Variants in MTAP observed in about 807,000 individuals in gnomAD.
MTAP encodes methylthioadenosine phosphorylase.
A neutral mutation model predicts 33.6 loss-of-function variants in MTAP; 33 were observed. The ratio of observed to expected loss-of-function variants is 0.98; its 90% confidence interval spans 0.74 to 1.31. MTAP has a LOEUF of 1.31. MTAP is among the 40% of genes most tolerant of loss of function. The pLI is 0.00. For missense variants in MTAP, 367 were observed against 360.0 expected, an observed-to-expected ratio of 1.02 and a Z score of -0.16; for synonymous variants, 148 against 125.7, an observed-to-expected ratio of 1.18 and a Z score of -1.19.
chr9:21,933,446 T>G (rs1055571694), downstream of MTAP: 1 of 152,162 alleles, frequency 6.6e-6, no homozygotes, highest in African/African-American at 2.4e-5. Context: ...TTAAGGTGCT[T>G]TTTCTGGCTC....
At chr9:21,842,419 T>G (rs143961277) in intron 5 of MTAP, among the ~76,000 whole-genome samples, 1 of 152,222 alleles carries the variant, frequency 6.6e-6, no homozygotes, top group African/African-American at 2.4e-5. Flanking sequence ...CCTGGGAAAT[T>G]TATTGCAAAA....
chr9:21,810,564 A>C (rs1289405614), intron 1 of MTAP, among the ~76,000 whole-genome samples: 1 of 152,150 alleles, frequency 6.6e-6, no homozygotes, highest in Non-Finnish European at 1.5e-5. Flanking sequence ...TCATGACTCA[A>C]ACTCCTCTTA....
At chr9:21,930,142 A>C in intron 1 of MTAP, 1 of 424,342 alleles carries the variant, frequency 2.4e-6, no homozygotes, top group Non-Finnish European at 4.6e-6. Flanking sequence ...AATGGGTTCT[A>C]ATGGAGTAAA....
downstream of MTAP, among the ~76,000 whole-genome samples, chr9:21,867,747 T>C (rs976101383): frequency 3.4e-4 from 51 of 151,920 alleles, no homozygotes; most frequent in African/African-American, 1.2e-3. Flanking sequence ...ATATACAGAA[T>C]TTGTTAACCA....
chr9:21,843,698 A>G (rs1355246804), intron 5 of MTAP, among the ~76,000 whole-genome samples: 3 of 152,216 alleles, frequency 2.0e-5, no homozygotes, highest in Non-Finnish European at 4.4e-5. Context: ...CTTTGAGCTG[A>G]ATGATTATAG....
At chr9:21,820,233 A>G (rs941507887) in intron 4 of MTAP, among the ~76,000 whole-genome samples, 4 of 152,162 alleles carry the variant, frequency 2.6e-5, no homozygotes, top group Non-Finnish European at 2.9e-5. Context: ...TATGTCCTGA[A>G]TGGTATTGCC....
In MTAP at chr9:21,824,149, C is replaced by G. The variant is rs1824723181; in HGVS notation, c.347+5947C>G. ...GCTTTGTTCCATTGCTGGCGAGGAG[C>G]TGTGTTCCTTTGGAGGGGGAGAGGT... is the stretch of plus-strand genomic sequence containing the variant. On this transcript the variant is annotated intron_variant, in intron 4 of 7. Transcript: ENST00000644715. Among the ~76,000 whole-genome samples the G allele has an allele frequency of 2.0e-5, 3 of 152,240 alleles. No homozygotes were observed. The South Asian group carries it at 6.2e-4, about 31-fold the overall frequency.
chr9:21,915,265 G>A (rs941930825), intron 1 of MTAP, among the ~76,000 whole-genome samples: 1 of 150,810 alleles, frequency 6.6e-6, no homozygotes, highest in Non-Finnish European at 1.5e-5. Context: ...ATTTTTTTTT[G>A]TATTTTTAGT....
At chr9:21,832,377 TA>T (rs1374864737) in intron 4 of MTAP, among the ~76,000 whole-genome samples, 1 of 152,236 alleles carries the variant, frequency 6.6e-6, no homozygotes, top group Non-Finnish European at 1.5e-5. Flanking sequence ...GAAAGCGTTT[TA>T]TGGTAAAGAG....
At chr9:21,835,329 A>G (rs192004508) in intron 4 of MTAP, among the ~76,000 whole-genome samples, 79 of 152,294 alleles carry the variant, frequency 5.2e-4, no homozygotes, top group Non-Finnish European at 7.8e-4. Flanking sequence ...CTAATACCTC[A>G]CGAAGAAAGA....
intron 1 of MTAP, among the ~76,000 whole-genome samples, chr9:21,875,636 G>T (rs192425420): frequency 6.6e-6 from 1 of 151,950 alleles, no homozygotes; most frequent in Non-Finnish European, 1.5e-5. Context: ...AAGTGAAAAC[G>T]TGTGGTATTT....
chr9:21,931,492 T>G (rs1023539057), downstream of MTAP: 1 of 254,708 alleles, frequency 3.9e-6, no homozygotes, highest in African/African-American at 2.2e-5. Flanking sequence ...GATAGAAAAG[T>G]CCTGAAGCTG....
intron 4 of MTAP, among the ~76,000 whole-genome samples, chr9:21,823,028 A>G (rs1158901229): frequency 6.6e-6 from 1 of 152,186 alleles, no homozygotes; most frequent in Non-Finnish European, 1.5e-5. Context: ...GTGTCTCTGC[A>G]CGTGAGTTGG....
intron 1 of MTAP, among the ~76,000 whole-genome samples, chr9:21,902,386 C>G (rs796421306): frequency 5.3e-5 from 8 of 152,292 alleles, no homozygotes; most frequent in African/African-American, 1.9e-4. Context: ...GAAAAGTAAG[C>G]ATCTGGTATT....
chr9:21,879,028 T>G (rs1826051527), intron 1 of MTAP, among the ~76,000 whole-genome samples: 1 of 152,196 alleles, frequency 6.6e-6, no homozygotes, highest in Non-Finnish European at 1.5e-5. Context: ...GAATGTATAT[T>G]CTCTTGGGTT....
chr9:21,806,148 T>C (rs1824202234), intron 1 of MTAP, among the ~76,000 whole-genome samples: 1 of 152,072 alleles, frequency 6.6e-6, no homozygotes, highest in Admixed American at 6.5e-5. Context: ...CTGGCTGTTG[T>C]ATACAGAATA....
chr9:21,805,549 C>T (rs570196909), intron 1 of MTAP, among the ~76,000 whole-genome samples: 31 of 152,284 alleles, frequency 2.0e-4, no homozygotes, highest in African/African-American at 6.5e-4. Flanking sequence ...AGTAGTCTGC[C>T]TCCAAAATCT....
At chr9:21,835,388 G>A (rs1825080796) in intron 4 of MTAP, among the ~76,000 whole-genome samples, 1 of 152,038 alleles carries the variant, frequency 6.6e-6, no homozygotes, top group African/African-American at 2.4e-5. Flanking sequence ...AAATTCATTC[G>A]AATCCAGGGA....
chr9:21,940,823 G>A (rs550772181), downstream of MTAP: 3 of 165,850 alleles, frequency 1.8e-5, no homozygotes, highest in African/African-American at 7.2e-5. Flanking sequence ...AAGTTTAGAG[G>A]TTAGTATGGA....
Sources: allele counts gnomAD v4.1 joint callset (sites outside exome capture counted in the v4.1 genomes callset), GRCh38; gene constraint gnomAD v4.1.1; transcripts MANE v1.5; gene names NCBI Gene and HGNC (gene_info 2026-07-23, HGNC 2026-07-21).